RNF150: variants seen among roughly 807,000 people sequenced by gnomAD.
RNF150 encodes the protein ring finger protein 150.
A neutral mutation model predicts 39.3 loss-of-function variants in RNF150; 24 were observed. The observed-to-expected ratio is 0.61, with a 90% confidence interval of 0.44 to 0.86. RNF150 has a LOEUF of 0.86. Among genes scored for constraint, RNF150 ranks in the 40% least tolerant of loss-of-function variants. The probability of loss-of-function intolerance (pLI) is 0.00; values close to 1 mark genes in which losing one functional copy is unlikely to be tolerated. For missense variants in RNF150, 502 were observed against 587.8 expected (o/e 0.85, Z 1.51); for synonymous variants, 255 against 227.3 (o/e 1.12, Z -1.10).
chr4:141,137,959 A>AGAGGCAGATTT (rs1460663019), upstream of RNF150, among the ~76,000 whole-genome samples: 2 of 152,200 alleles, frequency 1.3e-5, no homozygotes, highest in African/African-American at 4.8e-5. Context: ...CATAAGAGGT[A>AGAGGCAGATTT]GAGGCAGATT....
chr4:141,006,017 C>T lies in RNF150; in HGVS notation c.485-38144G>A, dbSNP rs1252709348. Among the ~76,000 whole-genome samples, 319 of 145,986 alleles carry T rather than the reference C, an allele frequency of 2.2e-3. 16 individuals are homozygous for T. The highest frequency in any genetic ancestry group is 7.5e-3 in the African/African-American group (295 of 39,214). Reference sequence around the variant, plus strand: ...CCGGGAGGCGGAGTTTGCAGTGAGCCGAGATCCCGCCACTGCACTCCAGCC... The same window carrying T: ...CCGGGAGGCGGAGTTTGCAGTGAGCTGAGATCCCGCCACTGCACTCCAGCC... On this transcript the variant is annotated intron_variant, in intron 1 of 6. Transcript: ENST00000515673.
At chr4:141,006,590 T>G (rs1406285874) in intron 1 of RNF150, among the ~76,000 whole-genome samples, 2 of 152,172 alleles carry the variant, frequency 1.3e-5, no homozygotes, top group African/African-American at 4.8e-5. Flanking sequence ...TTGTTTGACA[T>G]TAGGAAATCT....
At chr4:141,193,784 G>A (rs528194674) in intron 1 of RNF150, among the ~76,000 whole-genome samples, 8 of 152,118 alleles carry the variant, frequency 5.3e-5, no homozygotes, top group South Asian at 2.1e-4. Context: ...CTTAGCAAGC[G>A]TCCTGCAGAA....
rs1164481491 is a variant in RNF150, at chr4:140,949,305, T to C, written c.803A>G (p.Asp268Gly). The change falls in exon 3 of 7, where the codon GAC becomes GGC. Residue 268 changes from aspartate (D) to glycine (G), a missense_variant. Coordinates refer to ENST00000515673, the MANE Select transcript of RNF150 (RefSeq NM_020724.2). Reference sequence around the variant, plus strand: ...AAGAAAAGAGGCTGCTATTACCTTGTCACCCTTCTTGATGGTCCTGATCTG... The same window carrying C: ...AAGAAAAGAGGCTGCTATTACCTTGCCACCCTTCTTGATGGTCCTGATCTG... Reference protein sequence around the residue: ...KLQIRTIKKGDKETESDFDNC... With the variant: ...KLQIRTIKKGGKETESDFDNC... The C allele has an allele frequency of 2.5e-6, 4 of 1,611,366 alleles. No individual in the cohort carries two copies. The highest frequency in any genetic ancestry group is 3.4e-6 in the Non-Finnish European group (4 of 1,178,434).
intron 2 of RNF150, among the ~76,000 whole-genome samples, chr4:140,949,904 C>T (rs1475434800): frequency 6.6e-6 from 1 of 152,158 alleles, no homozygotes; most frequent in African/African-American, 2.4e-5. Flanking sequence ...ATTTTACCTC[C>T]TTTATGCATG....
intron 1 of RNF150, among the ~76,000 whole-genome samples, chr4:141,159,136 G>C (rs1322810013): frequency 2.0e-5 from 3 of 152,184 alleles, no homozygotes; most frequent in Admixed American, 6.5e-5. Context: ...TTAACAAGCT[G>C]TTTCCAAATT....
At chr4:141,203,736 A>G (rs1728329472) in intron 1 of RNF150, among the ~76,000 whole-genome samples, 1 of 141,432 alleles carries the variant, frequency 7.1e-6, no homozygotes, top group African/African-American at 2.5e-5. Context: ...GCGGATAGAG[A>G]AAAGTCCCCC....
chr4:140,965,752 G>T (rs1733214889), intron 2 of RNF150, among the ~76,000 whole-genome samples: 1 of 152,064 alleles, frequency 6.6e-6, no homozygotes, highest in Admixed American at 6.6e-5. Context: ...TTACCGGAGT[G>T]GGGGAGTGGA....
chr4:141,174,189 C>A (rs1210765223), intron 1 of RNF150, among the ~76,000 whole-genome samples: 1 of 152,158 alleles, frequency 6.6e-6, no homozygotes, highest in Admixed American at 6.5e-5. Context: ...AAAGGCTGGG[C>A]AAAAAATGTG....
chr4:140,957,576 T>C (rs1310287943), intron 2 of RNF150, among the ~76,000 whole-genome samples: 1 of 152,180 alleles, frequency 6.6e-6, no homozygotes, highest in Non-Finnish European at 1.5e-5. Context: ...CTATAAATCA[T>C]GCTGCTATAA....
chr4:141,086,725 C>T (rs537224279), intron 1 of RNF150, among the ~76,000 whole-genome samples: 1 of 151,364 alleles, frequency 6.6e-6, no homozygotes, highest in South Asian at 2.1e-4. Context: ...GATACCTATA[C>T]TAGATAGCCA....
intron 6 of RNF150, among the ~76,000 whole-genome samples, chr4:140,894,418 T>C (rs543475120): frequency 6.6e-6 from 1 of 152,378 alleles, no homozygotes; most frequent in South Asian, 2.1e-4. Flanking sequence ...GAAAGTCATT[T>C]TAACATGTGG....
rs144839664 is a variant in RNF150 at position 140,946,798 on chromosome 4, G to C, written c.890+856C>G. ...TAGGATTACAGGTGTGAGCCACCAT[G>C]CCTGGCTGAAGTATCTAAGAATATT... is the stretch of plus-strand genomic sequence containing the variant. On this transcript the variant is annotated intron_variant, in intron 4 of 6. Coordinates refer to ENST00000515673, the MANE Select transcript of RNF150 (RefSeq NM_020724.2). 9.3e-4 allele frequency among the ~76,000 whole-genome samples: 141 copies of C among 152,274 alleles called. 1 individual carries two copies. The highest frequency in any genetic ancestry group is 2.7e-3 in the Admixed American group (41 of 15,294).
At chr4:140,985,234 C>T (rs1040837153) in intron 1 of RNF150, among the ~76,000 whole-genome samples, 1 of 152,120 alleles carries the variant, frequency 6.6e-6, no homozygotes, top group African/African-American at 2.4e-5. Flanking sequence ...TTGCCCCTCC[C>T]ATTTTTAACT....
chr4:141,126,095 T>TACAC lies in RNF150; in HGVS notation c.484+6226_484+6229dup, dbSNP rs139608178. Among the ~76,000 whole-genome samples, 451 of 149,882 alleles carry TACAC rather than the reference T, an allele frequency of 3.0e-3. 2 individuals are homozygous for TACAC. The highest frequency in any genetic ancestry group is 8.5e-3 in the African/African-American group (347 of 41,020). On this transcript the variant is annotated intron_variant, in intron 1 of 6. Transcript: ENST00000515673. The stretch of plus-strand genomic sequence containing the variant: ...TACAGTTTAGTGCAAAATAAATACA[T>TACAC]ACACACACACACACACACATGCATA...
chr4:141,044,022 G>A (rs146536800), intron 1 of RNF150, among the ~76,000 whole-genome samples: 1 of 152,084 alleles, frequency 6.6e-6, no homozygotes, highest in Non-Finnish European at 1.5e-5. Flanking sequence ...GTGTATAATA[G>A]GGTTGAAGTA....
chr4:141,155,766 G>A (rs1051897518), intron 1 of RNF150, among the ~76,000 whole-genome samples: 2 of 152,178 alleles, frequency 1.3e-5, no homozygotes, highest in African/African-American at 4.8e-5. Flanking sequence ...CGAGTCCATG[G>A]TGCGTGGTCT....
chr4:141,108,413 C>T (rs1193686970), intron 1 of RNF150, among the ~76,000 whole-genome samples: 1 of 152,108 alleles, frequency 6.6e-6, no homozygotes, highest in East Asian at 1.9e-4. Context: ...CAATATTTTA[C>T]AGTTATATAG....
At chr4:140,922,528 A>C (rs1233498413) in intron 5 of RNF150, among the ~76,000 whole-genome samples, 1 of 152,072 alleles carries the variant, frequency 6.6e-6, no homozygotes, top group Non-Finnish European at 1.5e-5. Flanking sequence ...CAATATCGTG[A>C]AAATGGCCAT....
Sources: gnomAD v4.1 joint callset for allele counts (sites outside exome capture counted in the v4.1 genomes callset) on GRCh38, gnomAD v4.1.1 for gene constraint, MANE v1.5 for transcripts, NCBI Gene and HGNC (gene_info 2026-07-23, HGNC 2026-07-21) for gene names.